LPP: variants seen among roughly 807,000 people sequenced by gnomAD.
LPP encodes LIM domain containing preferred translocation partner in lipoma.
LPP carries 38 observed loss-of-function variants against 60.4 expected under a neutral mutation model. That is an observed-to-expected ratio of 0.63 (90% CI 0.49 to 0.83). LPP has a LOEUF of 0.83. LPP is among the 40% of genes least tolerant of loss of function. LPP has a pLI of 0.00. For synonymous variants in LPP, 328 were observed against 290.8 expected (o/e 1.13, Z -1.30); for missense variants, 902 against 783.6 (o/e 1.15, Z -1.80).
intron 1 of LPP, chr3:188,180,130 G>C (rs1724492836): frequency 6.5e-6 from 1 of 152,738 alleles, no homozygotes; most frequent in African/African-American, 2.4e-5. Flanking sequence ...GCTCTCCCTG[G>C]CGTGGGCTTC....
chr3:188,430,329 T>A (rs1211988813), intron 4 of LPP, among the ~76,000 whole-genome samples: 2 of 152,164 alleles, frequency 1.3e-5, no homozygotes, highest in East Asian at 3.8e-4. Flanking sequence ...CTGGCTTATA[T>A]TGTACATGGG....
intron 4 of LPP, among the ~76,000 whole-genome samples, chr3:188,439,245 A>G (rs1793163688): frequency 6.6e-6 from 1 of 152,144 alleles, no homozygotes; most frequent in African/African-American, 2.4e-5. Context: ...AATAATGTTA[A>G]AGGGGGTTAC....
chr3:188,582,421 T>C (rs1463856534), intron 6 of LPP, among the ~76,000 whole-genome samples: 1 of 152,016 alleles, frequency 6.6e-6, no homozygotes, highest in Admixed American at 6.6e-5. Context: ...CCTCAACTGA[T>C]CCACCCACCT....
intron 9 of LPP, among the ~76,000 whole-genome samples, chr3:188,824,963 C>T (rs1314238471): frequency 1.3e-5 from 2 of 152,084 alleles, no homozygotes; most frequent in African/African-American, 4.8e-5. Flanking sequence ...AATCATGCTG[C>T]TTTTATGGAT....
chr3:188,649,963 A>G (rs901340863), intron 7 of LPP, among the ~76,000 whole-genome samples: 8 of 152,136 alleles, frequency 5.3e-5, no homozygotes, highest in African/African-American at 1.9e-4. Context: ...CTATGTCTCT[A>G]TTATTATTTA....
intron 2 of LPP, among the ~76,000 whole-genome samples, chr3:188,274,382 C>T (rs1577752887): frequency 1.3e-5 from 2 of 152,178 alleles, no homozygotes; most frequent in East Asian, 3.9e-4. Context: ...CTGTAAATTC[C>T]TTGAGGTCAA....
intron 2 of LPP, among the ~76,000 whole-genome samples, chr3:188,340,189 TA>T (rs1762672236): frequency 6.6e-6 from 1 of 152,228 alleles, no homozygotes; most frequent in African/African-American, 2.4e-5. Flanking sequence ...TGCTCCATGT[TA>T]ACCATGTGAT....
chr3:188,543,534 A>C (rs1386538277), intron 6 of LPP, among the ~76,000 whole-genome samples: 1 of 151,958 alleles, frequency 6.6e-6, no homozygotes, highest in East Asian at 1.9e-4. Context: ...TAATTTTTTT[A>C]TATGGTTCGA....
intron 2 of LPP, among the ~76,000 whole-genome samples, chr3:188,249,698 T>G (rs1016247767): frequency 1.3e-5 from 2 of 151,840 alleles, no homozygotes; most frequent in African/African-American, 4.8e-5. Flanking sequence ...TAAACTTATT[T>G]AAAAAGTTGC....
At chr3:188,155,628 G>T (rs528421950) in intron 1 of LPP, among the ~76,000 whole-genome samples, 1 of 152,296 alleles carries the variant, frequency 6.6e-6, no homozygotes, top group South Asian at 2.1e-4. Flanking sequence ...GGTGGACAGT[G>T]GGGGGTTAGG....
chr3:188,306,273 G>T (rs1751517278), intron 2 of LPP, among the ~76,000 whole-genome samples: 1 of 150,006 alleles, frequency 6.7e-6, no homozygotes, highest in Non-Finnish European at 1.5e-5. Context: ...ATTTTTAGTA[G>T]AGACGGGGTT....
At position 188,880,254 on chromosome 3, in the gene LPP, A is replaced by G. The variant is rs1027511940; in HGVS notation, c.*5775A>G. On this transcript the variant is annotated 3_prime_UTR_variant, in exon 12 of 12. Transcript: ENST00000617246. Reference sequence around the variant, plus strand: ...CACAGTGTTAGCCAGGATGGCCTCGATCTCCTGACCTCGTGATCCACCCGC... The same window carrying G: ...CACAGTGTTAGCCAGGATGGCCTCGGTCTCCTGACCTCGTGATCCACCCGC... 1.2e-5 allele frequency: 2 copies of G among 165,446 alleles called. No homozygotes were observed. Among genetic ancestry groups the G allele is most frequent in the Non-Finnish European group, 2.6e-5 (2 of 75,816 alleles). The allele number at this position is 165,446 out of a possible 1,614,324, so 10.2% of individuals were successfully genotyped here.
At chr3:188,724,853 A>G (rs1439824860) in intron 8 of LPP, among the ~76,000 whole-genome samples, 1 of 152,148 alleles carries the variant, frequency 6.6e-6, no homozygotes, top group Non-Finnish European at 1.5e-5. Context: ...GCCCAGTCTC[A>G]TTGCCCAGGT....
chr3:188,730,028 T>G (rs556458846), intron 8 of LPP, among the ~76,000 whole-genome samples: 1 of 152,168 alleles, frequency 6.6e-6, no homozygotes, highest in East Asian at 1.9e-4. Context: ...TCCACCAGAT[T>G]CAACTAAAAA....
intron 5 of LPP, among the ~76,000 whole-genome samples, chr3:188,507,858 T>C (rs1252131136): frequency 6.6e-6 from 1 of 152,212 alleles, no homozygotes; most frequent in Admixed American, 6.5e-5. Context: ...CTGTCCTTGG[T>C]AAAAGTTTCC....
At chr3:188,554,781 T>C (rs774306770) in intron 6 of LPP, among the ~76,000 whole-genome samples, 2 of 152,194 alleles carry the variant, frequency 1.3e-5, no homozygotes, top group Non-Finnish European at 2.9e-5. Context: ...CCAATAAGAA[T>C]AACCAGAGGA....
chr3:188,715,797 G>C (rs117995073), intron 8 of LPP, among the ~76,000 whole-genome samples: 1 of 152,180 alleles, frequency 6.6e-6, no homozygotes, highest in Non-Finnish European at 1.5e-5. Context: ...GCATGTCTGT[G>C]ACTATGGCAT....
At chr3:188,535,720 G>A (rs1051788255) in intron 6 of LPP, among the ~76,000 whole-genome samples, 2 of 152,056 alleles carry the variant, frequency 1.3e-5, no homozygotes, top group African/African-American at 4.8e-5. Flanking sequence ...AATGTATTTT[G>A]TTAAGAAGAT....
chr3:188,241,652 G>T (rs912024327), intron 2 of LPP, among the ~76,000 whole-genome samples: 2 of 152,042 alleles, frequency 1.3e-5, no homozygotes, highest in Non-Finnish European at 2.9e-5. Context: ...AAAAATAAAA[G>T]ATTTCCTTCT....
Sources: allele counts gnomAD v4.1 joint callset (sites outside exome capture counted in the v4.1 genomes callset), GRCh38; gene constraint gnomAD v4.1.1; transcripts MANE v1.5; gene names NCBI Gene and HGNC (gene_info 2026-07-23, HGNC 2026-07-21).